CNTNAP2: variants seen among roughly 807,000 people sequenced by gnomAD.
CNTNAP2 encodes the protein contactin-associated protein-like 2.
Under a neutral mutation model 155.2 loss-of-function variants are expected in CNTNAP2, and 98 were observed. The observed-to-expected ratio is 0.63, with a 90% CI of 0.54 to 0.75. CNTNAP2 has a LOEUF of 0.75. CNTNAP2 is among the 30% of genes least tolerant of loss of function. CNTNAP2 has a pLI of 0.00. For synonymous variants in CNTNAP2, 651 were observed against 631.2 expected (o/e 1.03, Z -0.47); for missense variants, 1,727 against 1,688.1 (o/e 1.02, Z -0.40).
chr7:146,896,739 T>A (rs142786525), intron 3 of CNTNAP2, among the ~76,000 whole-genome samples: 1 of 152,246 alleles, frequency 6.6e-6, no homozygotes, highest in Non-Finnish European at 1.5e-5. Context: ...TTTGCTTAAA[T>A]AATTCTGATA....
At chr7:147,474,209 C>G (rs1014514739) in intron 10 of CNTNAP2, among the ~76,000 whole-genome samples, 2 of 128,822 alleles carry the variant, frequency 1.6e-5, no homozygotes, top group Non-Finnish European at 1.6e-5. Context: ...AGAGCTCACA[C>G]CACCCTGGGC....
chr7:146,506,057 G>T (rs993403370), intron 1 of CNTNAP2, among the ~76,000 whole-genome samples: 1 of 152,188 alleles, frequency 6.6e-6, no homozygotes, highest in Non-Finnish European at 1.5e-5. Flanking sequence ...TGTTGTACGT[G>T]CTATCCAGGA....
chr7:148,399,911 C>T (rs978776707), intron 22 of CNTNAP2, among the ~76,000 whole-genome samples: 2 of 152,128 alleles, frequency 1.3e-5, no homozygotes, highest in African/African-American at 4.8e-5. Flanking sequence ...ACCTGAGTCA[C>T]CAATGGTCTA....
Position 147,344,795 on chromosome 7 carries a change from T to A in CNTNAP2, c.1498+44505T>A, listed in dbSNP as rs573084951. ...ATTTTTGAAAATTAGGGACTTTTTTTAATAAACGTACATTAGGATCAAAAT... is the reference window on the plus strand; with the variant it reads ...ATTTTTGAAAATTAGGGACTTTTTTAAATAAACGTACATTAGGATCAAAAT... On this transcript the variant is annotated intron_variant, in intron 9 of 23. Coordinates refer to ENST00000361727, the MANE Select transcript of CNTNAP2 (RefSeq NM_014141.6). Among the ~76,000 whole-genome samples, 298 of 152,252 alleles carry A rather than the reference T, an allele frequency of 2.0e-3. 1 individual carries two copies. The highest frequency in any genetic ancestry group is 3.7e-3 in the Non-Finnish European group (252 of 67,992).
At chr7:146,269,876 C>G (rs1214748198) in intron 1 of CNTNAP2, among the ~76,000 whole-genome samples, 1 of 152,160 alleles carries the variant, frequency 6.6e-6, no homozygotes, top group Non-Finnish European at 1.5e-5. Flanking sequence ...TGACAGCAGA[C>G]CTTTCTTAGG....
chr7:147,682,996 G>A (rs1317549142), intron 13 of CNTNAP2, among the ~76,000 whole-genome samples: 2 of 151,774 alleles, frequency 1.3e-5, no homozygotes, highest in Non-Finnish European at 2.9e-5. Flanking sequence ...GAAGGAATTA[G>A]GAAGGGCTCT....
intron 3 of CNTNAP2, among the ~76,000 whole-genome samples, chr7:147,038,969 T>C (rs528745113): frequency 2.6e-5 from 4 of 152,202 alleles, no homozygotes; most frequent in Non-Finnish European, 4.4e-5. Context: ...CTCCATCTTC[T>C]CCCCTGTTCA....
chr7:147,503,612 C>T (rs1377921178), intron 11 of CNTNAP2, among the ~76,000 whole-genome samples: 3 of 152,084 alleles, frequency 2.0e-5, no homozygotes, highest in Non-Finnish European at 4.4e-5. Flanking sequence ...TTTCTGTAGG[C>T]TCCAGTCACA....
intron 20 of CNTNAP2, among the ~76,000 whole-genome samples, chr7:148,236,271 C>T (rs921842500): frequency 7.2e-5 from 11 of 152,258 alleles, no homozygotes; most frequent in Non-Finnish European, 1.6e-4. Context: ...GGCCAGTGGA[C>T]ACAAAAGGCT....
At position 146,801,412 on chromosome 7, in the gene CNTNAP2, T is replaced by C. The variant is rs185892780; in HGVS notation, c.208+27031T>C. Among the ~76,000 whole-genome samples the C allele has an allele frequency of 4.6e-5, 7 of 152,226 alleles. No homozygotes were observed. In the East Asian group the frequency reaches 1.2e-3, roughly 25 times the overall value. ...CCAAACCATATCATTGACCAAACAT[T>C]TATTGAATTTCATATTACCAATGAA... On this transcript the variant is annotated intron_variant, in intron 2 of 23. Transcript: ENST00000361727.
intron 13 of CNTNAP2, among the ~76,000 whole-genome samples, chr7:147,801,908 G>A (rs961031606): frequency 6.6e-6 from 1 of 151,152 alleles, no homozygotes; most frequent in Non-Finnish European, 1.5e-5. Context: ...CAGCCGGGCA[G>A]AGGCGCCCCT....
chr7:147,925,156 AAGGAAGGAAGGAAGGAAG>A (rs1269415277), intron 14 of CNTNAP2, among the ~76,000 whole-genome samples: 6 of 61,228 alleles, frequency 9.8e-5, no homozygotes, highest in African/African-American at 1.9e-4. Context: ...AGAGAGAGAG[AAGGAAGGAAGGAAGGAAG>A]GAAGGAAGGA....
At chr7:146,774,705 T>TA (rs565287833) in intron 2 of CNTNAP2, among the ~76,000 whole-genome samples, 2 of 152,256 alleles carry the variant, frequency 1.3e-5, no homozygotes, top group African/African-American at 4.8e-5. Context: ...TAGAAAGATG[T>TA]AAAAAAGAAT....
chr7:146,346,578 A>G (rs1018850798), intron 1 of CNTNAP2, among the ~76,000 whole-genome samples: 1 of 152,120 alleles, frequency 6.6e-6, no homozygotes, highest in African/African-American at 2.4e-5. Flanking sequence ...GCTACTCAGG[A>G]GGCTGAGGCA....
At chr7:146,179,751 G>A (rs1235214657) in intron 1 of CNTNAP2, among the ~76,000 whole-genome samples, 1 of 152,080 alleles carries the variant, frequency 6.6e-6, no homozygotes, top group African/African-American at 2.4e-5. Context: ...AAATGCTTCA[G>A]ACCTTTCAAA....
intron 12 of CNTNAP2, among the ~76,000 whole-genome samples, chr7:147,608,909 G>A (rs1801126430): frequency 6.6e-6 from 1 of 152,118 alleles, no homozygotes; most frequent in Admixed American, 6.5e-5. Flanking sequence ...GCAGGGGCGG[G>A]GGTCAAAAGG....
chr7:148,326,707 A>AC (rs1797895836), intron 21 of CNTNAP2, among the ~76,000 whole-genome samples: 1 of 151,950 alleles, frequency 6.6e-6, no homozygotes, highest in Non-Finnish European at 1.5e-5. Flanking sequence ...TCTACTAAAA[A>AC]TACAAAAATT....
In CNTNAP2 at chr7:148,106,493, G is replaced by GATAGATAGATATATATATATATATAT. The variant is rs1490418389; in HGVS notation, c.2384-11622_2384-11621insGATAGATATATATATATATATATATA. Among the ~76,000 whole-genome samples the GATAGATAGATATATATATATATATAT allele has an allele frequency of 1.2e-3, 150 of 124,900 alleles. 1 individual carries two copies. Among genetic ancestry groups the GATAGATAGATATATATATATATATAT allele is most frequent in the South Asian group, 2.8e-3 (11 of 3,898 alleles). 81.9% of individuals were successfully genotyped at this position (124,900 alleles called of 152,430 possible). A position where few individuals can be genotyped will look rare whatever the true frequency, so the allele number is the denominator to read the frequency against. ...CACTTCAGTGTACTGCACACTTTGA[G>GATAGATAGATATATATATATATATAT]ATATATATATATATATATATATATA... On this transcript the variant is annotated intron_variant, in intron 15 of 23. Coordinates refer to ENST00000361727, the MANE Select transcript of CNTNAP2 (RefSeq NM_014141.6).
chr7:147,206,263 T>TAAAA (rs36073630), intron 8 of CNTNAP2, among the ~76,000 whole-genome samples: 7 of 139,112 alleles, frequency 5.0e-5, no homozygotes, highest in Non-Finnish European at 9.3e-5. Flanking sequence ...TAAACCTGTA[T>TAAAA]AAAAAAAAAA....
Sources: gnomAD v4.1 joint callset for allele counts (sites outside exome capture counted in the v4.1 genomes callset) on GRCh38, gnomAD v4.1.1 for gene constraint, MANE v1.5 for transcripts, NCBI Gene and HGNC (gene_info 2026-07-23, HGNC 2026-07-21) for gene names.